CNTNAP2: variants seen among roughly 807,000 people sequenced by gnomAD.
CNTNAP2 encodes the protein contactin-associated protein-like 2.
Under a neutral mutation model 155.2 loss-of-function variants are expected in CNTNAP2, and 98 were observed. That is an observed-to-expected ratio of 0.63 (90% CI 0.54 to 0.75). CNTNAP2 has a LOEUF of 0.75. CNTNAP2 is among the 30% of genes least tolerant of loss of function. CNTNAP2 has a pLI of 0.00. For missense variants in CNTNAP2, 1,727 were observed against 1,688.1 expected, an observed-to-expected ratio of 1.02 and a Z score of -0.40; for synonymous variants, 651 against 631.2, an observed-to-expected ratio of 1.03 and a Z score of -0.47.
chr7:146,349,772 T>C (rs1794884060), intron 1 of CNTNAP2, among the ~76,000 whole-genome samples: 3 of 152,154 alleles, frequency 2.0e-5, no homozygotes, highest in Non-Finnish European at 4.4e-5. Context: ...AAAATTATTT[T>C]CTTTAAGAAT....
intron 4 of CNTNAP2, among the ~76,000 whole-genome samples, chr7:147,051,227 C>T (rs1197316881): frequency 6.7e-6 from 1 of 148,324 alleles, no homozygotes; most frequent in Non-Finnish European, 1.5e-5. Flanking sequence ...TTTATGTTTA[C>T]ATCAGTTTAA....
intron 13 of CNTNAP2, among the ~76,000 whole-genome samples, chr7:147,717,165 A>G (rs545281256): frequency 6.6e-6 from 1 of 152,216 alleles, no homozygotes; most frequent in South Asian, 2.1e-4. Flanking sequence ...TATGGCTGGT[A>G]TTTAAAAGGC....
chr7:148,019,376 C>T (rs1481129595), intron 15 of CNTNAP2, among the ~76,000 whole-genome samples: 2 of 152,150 alleles, frequency 1.3e-5, no homozygotes, highest in East Asian at 1.9e-4. Context: ...ATGCTGCTTT[C>T]GCTTCTTGCC....
chr7:147,330,379 A>G (rs904506501), intron 9 of CNTNAP2, among the ~76,000 whole-genome samples: 7 of 152,054 alleles, frequency 4.6e-5, no homozygotes, highest in African/African-American at 1.7e-4. Flanking sequence ...GTTGTGATAA[A>G]CCACTAGATA....
chr7:147,424,122 T>C (rs1584940736), intron 10 of CNTNAP2, among the ~76,000 whole-genome samples: 1 of 152,300 alleles, frequency 6.6e-6, no homozygotes, highest in East Asian at 1.9e-4. Context: ...TCCTACTTCA[T>C]TCCGCTGCTC....
intron 10 of CNTNAP2, among the ~76,000 whole-genome samples, chr7:147,474,942 A>T (rs891021792): frequency 9.9e-5 from 15 of 152,192 alleles, no homozygotes; most frequent in Non-Finnish European, 1.8e-4. Context: ...CACTATTCAC[A>T]CAACAGCTAG....
At chr7:147,261,127 T>C (rs899524078) in intron 8 of CNTNAP2, among the ~76,000 whole-genome samples, 13 of 152,374 alleles carry the variant, frequency 8.5e-5, no homozygotes, top group Middle Eastern at 6.8e-3. Context: ...AGCTTTTGAA[T>C]GATTTATTAA....
chr7:146,770,546 C>T (rs1802276589), intron 1 of CNTNAP2, among the ~76,000 whole-genome samples: 1 of 151,770 alleles, frequency 6.6e-6, no homozygotes, highest in African/African-American at 2.4e-5. Context: ...AATAATTTTG[C>T]AGTCACCTTT....
intron 12 of CNTNAP2, among the ~76,000 whole-genome samples, chr7:147,597,288 C>T (rs1379770966): frequency 6.6e-6 from 1 of 152,144 alleles, no homozygotes; most frequent in Non-Finnish European, 1.5e-5. Flanking sequence ...CTATCTAGAA[C>T]TTTCCCCTGT....
At chr7:147,378,105 C>G in intron 9 of CNTNAP2, 1 of 455,474 alleles carries the variant, frequency 2.2e-6, no homozygotes, top group Non-Finnish European at 4.5e-6. Flanking sequence ...TTGCACCAAC[C>G]TAATACGTTA....
intron 8 of CNTNAP2, among the ~76,000 whole-genome samples, chr7:147,279,003 A>C: frequency 6.6e-6 from 1 of 151,510 alleles, no homozygotes. Context: ...TGCTAGACAT[A>C]GCCAAAAATA....
At chr7:146,750,503 TG>T (rs1466675635) in intron 1 of CNTNAP2, among the ~76,000 whole-genome samples, 1 of 152,238 alleles carries the variant, frequency 6.6e-6, no homozygotes, top group Non-Finnish European at 1.5e-5. Flanking sequence ...TGCTGTTGGA[TG>T]TGGCGGAACA....
chr7:146,680,839 A>C (rs1800489387), intron 1 of CNTNAP2, among the ~76,000 whole-genome samples: 1 of 152,200 alleles, frequency 6.6e-6, no homozygotes, highest in Non-Finnish European at 1.5e-5. Context: ...TGTAAGTGAC[A>C]CAAGCAAAGG....
chr7:146,380,461 A>G (rs531745981), intron 1 of CNTNAP2, among the ~76,000 whole-genome samples: 22 of 152,296 alleles, frequency 1.4e-4, no homozygotes, highest in Non-Finnish European at 2.4e-4. Context: ...GAACAAAATT[A>G]CCATGGAAAG....
chr7:148,139,469 A>G (rs577250859), intron 16 of CNTNAP2, among the ~76,000 whole-genome samples: 86 of 152,310 alleles, frequency 5.6e-4, no homozygotes, highest in African/African-American at 1.9e-3. Flanking sequence ...GGGTGGGCTC[A>G]GGGGTCGAAG....
intron 1 of CNTNAP2, among the ~76,000 whole-genome samples, chr7:146,337,599 C>G (rs893936804): frequency 3.3e-5 from 5 of 151,818 alleles, no homozygotes; most frequent in African/African-American, 1.2e-4. Flanking sequence ...GCTGGGACCA[C>G]TGGAATATGG....
chr7:146,966,122 T>C (rs1270859744), intron 3 of CNTNAP2, among the ~76,000 whole-genome samples: 2 of 152,190 alleles, frequency 1.3e-5, no homozygotes, highest in African/African-American at 4.8e-5. Flanking sequence ...ACGTAAATTA[T>C]TTGGGATTGT....
chr7:146,363,493 A>G (rs1213123771), intron 1 of CNTNAP2, among the ~76,000 whole-genome samples: 1 of 152,192 alleles, frequency 6.6e-6, no homozygotes, highest in African/African-American at 2.4e-5. Flanking sequence ...CTAACAGTAG[A>G]GACTGGGTAG....
At chr7:147,881,123 A>G (rs1429321636) in intron 13 of CNTNAP2, among the ~76,000 whole-genome samples, 1 of 152,198 alleles carries the variant, frequency 6.6e-6, no homozygotes, top group Non-Finnish European at 1.5e-5. Context: ...GTATTTTTCC[A>G]TGAATTTAAA....
Sources: gnomAD v4.1 joint callset for allele counts (sites outside exome capture counted in the v4.1 genomes callset) on GRCh38, gnomAD v4.1.1 for gene constraint, MANE v1.5 for transcripts, NCBI Gene and HGNC (gene_info 2026-07-23, HGNC 2026-07-21) for gene names.